The following PPP5C variants were observed in gnomAD, a reference collection of about 807,000 sequenced individuals.
The protein encoded by PPP5C is protein phosphatase 5 catalytic subunit.
Under a neutral mutation model 66.7 loss-of-function variants are expected in PPP5C, and 21 were observed. That is an observed-to-expected ratio of 0.31 (90% CI 0.22 to 0.45). PPP5C has a LOEUF of 0.45. Among genes scored for constraint, PPP5C ranks in the 20% least tolerant of loss-of-function variants. The pLI, the probability that PPP5C is intolerant of heterozygous loss-of-function variation, is 1.00. For synonymous variants in PPP5C, 246 were observed against 257.4 expected (o/e 0.96, Z 0.43); for missense variants, 464 against 675.9 (o/e 0.69, Z 3.48).
chr19:46,347,945 A>AC (rs1192138084), intron 1 of PPP5C, among the ~76,000 whole-genome samples: 1 of 151,426 alleles, frequency 6.6e-6, no homozygotes, highest in East Asian at 1.9e-4. Context: ...GACATGAAAA[A>AC]AAAAAAAACA....
chr19:46,384,652 C>G (rs1206086916), intron 6 of PPP5C, 152 bp from the exon 7 acceptor site: 10 of 619,898 alleles, frequency 1.6e-5, no homozygotes, highest in Non-Finnish European at 2.9e-5. Flanking sequence ...ATCCCTTGAG[C>G]CCTGCCAAGT....
Position 46,388,329 on chromosome 19 carries a change from C to T in PPP5C, c.1136-79C>T, listed in dbSNP as rs1201570367. ...GCTGGGCTGTGGGGTCAGCACCTGGCCGGGCCAGGAGGTGGCCTGTGAGTG... is the reference window on the plus strand; with the variant it reads ...GCTGGGCTGTGGGGTCAGCACCTGGTCGGGCCAGGAGGTGGCCTGTGAGTG... On this transcript the variant is annotated intron_variant, in intron 9 of 12. Transcript: ENST00000012443. The surrounding 1 kb of genome is among the most constrained non-coding windows in gnomAD (Gnocchi z 4.9). 13 of 1,465,930 alleles carry T rather than the reference C, an allele frequency of 8.9e-6. No homozygotes were observed. Among genetic ancestry groups the T allele is most frequent in the Non-Finnish European group, 1.2e-5 (13 of 1,083,424 alleles). 90.8% of individuals were successfully genotyped at this position (1,465,930 alleles called of 1,614,324 possible).
intron 7 of PPP5C, chr19:46,386,881 T>G: frequency 1.5e-6 from 1 of 656,588 alleles, no homozygotes; most frequent in Non-Finnish European, 2.6e-6. Context: ...AGTGCTGGAA[T>G]TATAGGCGTG....
Position 46,387,223 on chromosome 19 carries a change from C to T in PPP5C, c.1035C>T (p.Asn345=), listed in dbSNP as rs11550354. The T allele has an allele frequency of 2.5e-3, 4,041 of 1,614,234 alleles. 52 individuals are homozygous for T. The highest frequency in any genetic ancestry group is 0.011 in the East Asian group (509 of 44,886). ...GGCTCCCGTTGGCCCAGTGCATCAA[C>T]GGCAAAGTGCTGGTGAGGACGGCGC... The part of the protein sequence containing the change: ...FEWLPLAQCI[N]GKVLIMHGGL... Residue 345 remains asparagine (N), a synonymous_variant, in exon 8 of 13, where the codon AAC becomes AAT. Transcript: ENST00000012443.
At chr19:46,365,134 C>T (rs1972468797) in intron 2 of PPP5C, among the ~76,000 whole-genome samples, 1 of 152,198 alleles carries the variant, frequency 6.6e-6, no homozygotes, top group Admixed American at 6.5e-5. Context: ...AGGCATGAGC[C>T]ACCACGCCCA....
chr19:46,363,307 CA>C (rs1158423038), intron 2 of PPP5C, among the ~76,000 whole-genome samples: 793 of 27,920 alleles, frequency 0.028, 85 homozygotes, highest in East Asian at 0.074. Flanking sequence ...GACTCCATCT[CA>C]AAAAAAAAAA....
At chr19:46,361,380 C>T (rs549339308) in intron 2 of PPP5C, among the ~76,000 whole-genome samples, 261 of 147,736 alleles carry the variant, frequency 1.8e-3, no homozygotes, top group Middle Eastern at 3.6e-3. Flanking sequence ...CCGCCCGCCT[C>T]GGCCTCCCAA....
At position 46,375,711 on chromosome 19, in the gene PPP5C, C is replaced by T; in HGVS notation, c.471C>T (p.His157=). ...AFERAIAGDE[H]KRSVVDSLDI... is the part of the protein sequence containing the mutation. ...AGCGGGCCATCGCGGGCGACGAGCA[C>T]AAGCGCTCCGTGGTGGACTCGCTGG... Residue 157 remains histidine, a synonymous_variant, in exon 3 of 13, where the codon CAC becomes CAT. Coordinates refer to ENST00000012443, the MANE Select transcript of PPP5C (RefSeq NM_006247.4). 1 of 1,610,642 alleles carries T rather than the reference C, an allele frequency of 6.2e-7. No homozygotes were observed. The highest frequency in any genetic ancestry group is 8.5e-7 in the Non-Finnish European group (1 of 1,178,322).
rs764903025 is a variant in PPP5C at position 46,383,272 on chromosome 19, C to T, written c.634-139C>T. 25 of 1,547,776 alleles carry T rather than the reference C, an allele frequency of 1.6e-5. No homozygotes were observed. Among genetic ancestry groups the T allele is most frequent in the Non-Finnish European group, 2.2e-5 (25 of 1,146,242 alleles). On this transcript the variant is annotated intron_variant, in intron 4 of 12. Transcript: ENST00000012443. The surrounding 1 kb of genome is among the most constrained non-coding windows in gnomAD (Gnocchi z 5.0). ...CCCGCCTGCTCCCGCTCCCCCAGGC[C>T]TGCCCTGCCCTTTTTCTTCTCTCCC...
At chr19:46,353,621 T>C in intron 1 of PPP5C, 127 bp from the exon 2 acceptor site, 4 of 1,374,090 alleles carry the variant, frequency 2.9e-6, no homozygotes. Flanking sequence ...GCTGAAGAGA[T>C]GTCTCTGGGC....
intron 1 of PPP5C, among the ~76,000 whole-genome samples, chr19:46,348,490 T>G (rs1256787797): frequency 1.3e-5 from 2 of 152,018 alleles, no homozygotes; most frequent in Admixed American, 1.3e-4. Context: ...ATTTTTGTAC[T>G]TTTAGTAGAG....
intron 2 of PPP5C, among the ~76,000 whole-genome samples, chr19:46,366,094 G>T (rs934168156): frequency 2.0e-5 from 3 of 152,150 alleles, no homozygotes; most frequent in African/African-American, 7.2e-5. Context: ...TTTGCCCCCA[G>T]TGAACCTGTG....
Position 46,390,752 on chromosome 19 carries a change from C to A in PPP5C, c.*406C>A, listed in dbSNP as rs2147412689. On this transcript the variant is annotated 3_prime_UTR_variant, in exon 13 of 13. Coordinates refer to ENST00000012443, the MANE Select transcript of PPP5C (RefSeq NM_006247.4). ...GGGGGGCCCCGCCTGCGCCTCCCCT[C>A]CTATAGCCCCATGGTGGGGCTAGGC... is the stretch of plus-strand genomic sequence containing the variant. The A allele has an allele frequency of 5.3e-6, 6 of 1,139,926 alleles. No homozygotes were observed. The South Asian group carries it at 1.3e-4, about 24-fold the overall frequency. 70.6% of individuals were successfully genotyped at this position (1,139,926 alleles called of 1,614,324 possible).
At chr19:46,359,842 C>T (rs1972352507) in intron 2 of PPP5C, among the ~76,000 whole-genome samples, 2 of 146,460 alleles carry the variant, frequency 1.4e-5, no homozygotes, top group South Asian at 4.3e-4. Flanking sequence ...TGCAATGGCG[C>T]AAACTCGGCT....
chr19:46,373,992 G>A (rs947483519), intron 2 of PPP5C, among the ~76,000 whole-genome samples: 7 of 152,182 alleles, frequency 4.6e-5, no homozygotes, highest in African/African-American at 1.4e-4. Flanking sequence ...GGGAGGAGCC[G>A]CATGGGCCAG....
chr19:46,363,525 T>G (rs4803935), intron 2 of PPP5C, among the ~76,000 whole-genome samples: 147,062 of 150,992 alleles, frequency 0.97, 71,648 homozygotes, highest in East Asian at 1. Context: ...TGCCTCCCAG[T>G]TTCAAGCGAT....
At position 46,383,276 on chromosome 19, in the gene PPP5C, C is replaced by T. The variant is rs772711436; in HGVS notation, c.634-135C>T. ...CCTGCTCCCGCTCCCCCAGGCCTGC[C>T]CTGCCCTTTTTCTTCTCTCCCTGCT... On this transcript the variant is annotated intron_variant, in intron 4 of 12. Transcript: ENST00000012443. The surrounding 1 kb of genome is among the most constrained non-coding windows in gnomAD (Gnocchi z 5.0). 6 of 1,548,510 alleles carry T rather than the reference C, an allele frequency of 3.9e-6. No individual in the cohort carries two copies. The South Asian group carries it at 7.2e-5, about 19-fold the overall frequency.
In PPP5C at chr19:46,384,870, T is replaced by C; in HGVS notation, c.865T>C (p.Phe289Leu). 2 of 1,614,168 alleles carry C rather than the reference T, an allele frequency of 1.2e-6. No individual in the cohort carries two copies. Among genetic ancestry groups the C allele is most frequent in the Non-Finnish European group, 1.7e-6 (2 of 1,180,006 alleles). Residue 289 changes from phenylalanine (F) to leucine (L), a missense_variant, in exon 7 of 13, where the codon TTC (phenylalanine) becomes CTC (leucine). Physicochemically the swap from Phe to Leu is conservative, Grantham distance 22 (BLOSUM62 0). Coordinates refer to ENST00000012443, the MANE Select transcript of PPP5C (RefSeq NM_006247.4). ...AGAAGTGATCCTCACCCTTTTCGGC[T>C]TCAAGCTCCTGTACCCAGATCACTT... ...SVEVILTLFG[F>L]KLLYPDHFHL...
At chr19:46,369,816 C>T (rs1386438089) in intron 2 of PPP5C, among the ~76,000 whole-genome samples, 1 of 151,302 alleles carries the variant, frequency 6.6e-6, no homozygotes, top group African/African-American at 2.4e-5. Context: ...ATCCCAGCTA[C>T]TCGGGAGGCT....
Sources: allele counts gnomAD v4.1 joint callset (sites outside exome capture counted in the v4.1 genomes callset), GRCh38; gene constraint gnomAD v4.1.1; non-coding constraint Gnocchi (gnomAD v3.1); transcripts MANE v1.5; gene names NCBI Gene and HGNC (gene_info 2026-07-23, HGNC 2026-07-21).